The following THRAP3 variants were observed in gnomAD, a reference collection of about 807,000 sequenced individuals.
THRAP3 encodes thyroid hormone receptor-associated protein 3.
THRAP3 carries 16 observed loss-of-function variants against 101.0 expected under a neutral mutation model. The ratio of observed to expected loss-of-function variants is 0.16; its 90% CI spans 0.11 to 0.24. THRAP3 has a LOEUF of 0.24. Among genes scored for constraint, THRAP3 ranks in the 10% least tolerant of loss-of-function variants. The probability of loss-of-function intolerance (pLI) is 1.00; values close to 1 mark genes in which losing one functional copy is unlikely to be tolerated. For missense variants in THRAP3, 989 were observed against 1,202.7 expected, an observed-to-expected ratio of 0.82 and a Z score of 2.63; for synonymous variants, 407 against 422.6, an observed-to-expected ratio of 0.96 and a Z score of 0.45.
the THRAP3 span, among the ~76,000 whole-genome samples, chr1:36,207,803 AT>A: frequency 6.6e-6 from 1 of 151,798 alleles, no homozygotes. Context: ...TTTTATTTTT[AT>A]TTTTTTGAGA....
intron 1 of THRAP3, among the ~76,000 whole-genome samples, chr1:36,235,011 G>A (rs1165813803): frequency 5.3e-5 from 8 of 151,938 alleles, no homozygotes; most frequent in South Asian, 4.2e-4. Flanking sequence ...TCGGGGTTTC[G>A]CCATGTTGGC....
chr1:36,213,958 A>AGAAG, the THRAP3 span, among the ~76,000 whole-genome samples: 348 of 118,242 alleles, frequency 2.9e-3, 5 homozygotes, highest in Non-Finnish European at 4.2e-3. Context: ...AAAGAAAGAA[A>AGAAG]GAAGGAAAGA....
intron 11 of THRAP3, 147 bp from the exon 12 acceptor site, chr1:36,303,649 G>A (rs1048493972): frequency 4.9e-6 from 6 of 1,229,884 alleles, no homozygotes; most frequent in Non-Finnish European, 6.7e-6. Context: ...TTGGAGTGGG[G>A]GACAGGGAGA....
Position 36,282,668 on chromosome 1 carries a change from ATC to A in THRAP3, c.114_115del (p.Arg39PhefsTer9). ...TTTCGAAGTCTCGGTCCCGAAGCCG[ATC>A]TCTCTCTCGTTCAAGGAAGCGCAGG... The part of the protein sequence containing the change: ...SFSKSRSRSR[S>X]LSRSRKRRLS... On this transcript the variant is annotated frameshift_variant, in exon 3 of 12. Coordinates refer to ENST00000354618, the MANE Select transcript of THRAP3 (RefSeq NM_005119.4). LOFTEE classifies it high-confidence loss of function. The A allele has an allele frequency of 6.2e-7, 1 of 1,614,102 alleles. No individual in the cohort carries two copies. The highest frequency in any genetic ancestry group is 8.5e-7 in the Non-Finnish European group (1 of 1,180,002).
intron 2 of THRAP3, among the ~76,000 whole-genome samples, chr1:36,268,062 C>T (rs534934341): frequency 6.6e-6 from 1 of 152,066 alleles, no homozygotes; most frequent in East Asian, 1.9e-4. Flanking sequence ...CAGCTGTAAT[C>T]CCAGCTACTC....
At position 36,286,788 on chromosome 1, in the gene THRAP3, T is replaced by C; in HGVS notation, c.558T>C (p.Asp186=). The change falls in exon 4 of 12, where the codon GAT becomes GAC. Residue 186 remains aspartate, a synonymous_variant. Transcript: ENST00000354618. The surrounding 1 kb of genome is among the most constrained non-coding windows in gnomAD (Gnocchi z 5.5). ...SAKEKKSSSK[D]SRPSQAAGDN... ...AGGAGAAAAAGTCCTCTTCTAAGGA[T>C]AGCCGGCCATCTCAGGCTGCCGGGG... is the stretch of plus-strand genomic sequence containing the variant. The C allele has an allele frequency of 6.2e-7, 1 of 1,614,204 alleles. No homozygotes were observed. Among genetic ancestry groups the C allele is most frequent in the South Asian group, 1.1e-5 (1 of 91,078 alleles).
In THRAP3 at chr1:36,268,898, C is replaced by T. The variant is rs541306198; in HGVS notation, c.-32+9414C>T. On this transcript the variant is annotated intron_variant, in intron 2 of 11. Coordinates refer to ENST00000354618, the MANE Select transcript of THRAP3 (RefSeq NM_005119.4). ...CCGCCACCACGCCCAGCTAATTTTT[C>T]TATTTTTAGTAGAGATGGGGTTTCA... is the stretch of plus-strand genomic sequence containing the variant. Among the ~76,000 whole-genome samples the T allele has an allele frequency of 6.1e-3, 553 of 91,092 alleles. 2 individuals are homozygous for T. The highest frequency in any genetic ancestry group is 7.6e-3 in the Non-Finnish European group (291 of 38,148). 59.8% of individuals were successfully genotyped at this position (91,092 alleles called of 152,430 possible).
chr1:36,243,713 C>A (rs1339929936), intron 1 of THRAP3, among the ~76,000 whole-genome samples: 1 of 152,204 alleles, frequency 6.6e-6, no homozygotes, highest in Non-Finnish European at 1.5e-5. Context: ...AGCCGCTGGG[C>A]ACACCTCCCA....
intron 1 of THRAP3, among the ~76,000 whole-genome samples, chr1:36,237,936 A>G (rs1482882173): frequency 6.6e-6 from 1 of 152,126 alleles, no homozygotes; most frequent in Non-Finnish European, 1.5e-5. Flanking sequence ...ATCTTCCTAC[A>G]TCAGACTCCT....
upstream of THRAP3, among the ~76,000 whole-genome samples, chr1:36,220,622 C>T (rs1644897896): frequency 6.6e-6 from 1 of 151,772 alleles, no homozygotes; most frequent in Admixed American, 6.6e-5. Flanking sequence ...GCAGGAAAAT[C>T]ACTTGAGCCC....
upstream of THRAP3, among the ~76,000 whole-genome samples, chr1:36,222,588 A>G (rs1644908743): frequency 6.6e-6 from 1 of 151,886 alleles, no homozygotes; most frequent in Non-Finnish European, 1.5e-5. Flanking sequence ...TAGTATTTTT[A>G]GTAGAGAACG....
chr1:36,300,347 A>G (rs1230846989), intron 9 of THRAP3, among the ~76,000 whole-genome samples: 1 of 152,150 alleles, frequency 6.6e-6, no homozygotes, highest in Non-Finnish European at 1.5e-5. Flanking sequence ...CTACCTGTAA[A>G]ATGAGGGAAA....
chr1:36,300,822 G>A lies in THRAP3; in HGVS notation c.2304-64G>A, dbSNP rs999674582. ...TTGATTGCCCTGTGCTTATCCATGA[G>A]GCCCCAGCCAAGCAGTGTCCCTTAG... On this transcript the variant is annotated intron_variant, in intron 9 of 11. Coordinates refer to ENST00000354618, the MANE Select transcript of THRAP3 (RefSeq NM_005119.4). 4 of 1,538,778 alleles carry A rather than the reference G, an allele frequency of 2.6e-6. No homozygotes were observed. The African/African-American group carries it at 5.5e-5, about 21-fold the overall frequency.
chr1:36,301,222 C>A (rs564929398), intron 10 of THRAP3, 138 bp downstream of exon 10: 2 of 924,784 alleles, frequency 2.2e-6, no homozygotes, highest in South Asian at 3.6e-5. Context: ...GGTTCTCCTT[C>A]CCACATTTCC....
At chr1:36,227,664 A>G (rs1644977120) in intron 1 of THRAP3, among the ~76,000 whole-genome samples, 1 of 152,128 alleles carries the variant, frequency 6.6e-6, no homozygotes, top group Non-Finnish European at 1.5e-5. Flanking sequence ...TGGAAAATGG[A>G]TTGTGAGGTA....
chr1:36,243,892 C>T (rs1303220903), intron 1 of THRAP3, among the ~76,000 whole-genome samples: 1 of 145,710 alleles, frequency 6.9e-6, no homozygotes. Flanking sequence ...CCCCACCTCC[C>T]TCCCAGACGG....
chr1:36,244,936 G>A (rs972854744), intron 1 of THRAP3, among the ~76,000 whole-genome samples: 1 of 151,818 alleles, frequency 6.6e-6, no homozygotes, highest in African/African-American at 2.4e-5. Context: ...TGGCCAGGAT[G>A]GTCTCAAACT....
rs557988406 is a variant in THRAP3, at chr1:36,250,682, C to T, written c.-134-8700C>T. ...ATCCCAGCACTTTGGGAGGCTGAAG[C>T]GGGCGGATCACTTGAGGGCGGGAGT... On this transcript the variant is annotated intron_variant, in intron 1 of 11. Coordinates refer to ENST00000354618, the MANE Select transcript of THRAP3 (RefSeq NM_005119.4). Among the ~76,000 whole-genome samples the T allele has an allele frequency of 3.9e-3, 586 of 150,592 alleles. 3 individuals carry two copies. The highest frequency in any genetic ancestry group is 5.2e-3 in the Non-Finnish European group (353 of 67,662).
chr1:36,275,221 C>T (rs1270551322), intron 2 of THRAP3, among the ~76,000 whole-genome samples: 7 of 146,924 alleles, frequency 4.8e-5, no homozygotes, highest in East Asian at 4.1e-4. Context: ...ATCTGCAAGG[C>T]GGAGCTTGCA....
Sources: allele counts gnomAD v4.1 joint callset (sites outside exome capture counted in the v4.1 genomes callset), GRCh38; gene constraint gnomAD v4.1.1; non-coding constraint Gnocchi (gnomAD v3.1); transcripts MANE v1.5; gene names NCBI Gene and HGNC (gene_info 2026-07-23, HGNC 2026-07-21).